The following ZHX3 variants were observed in gnomAD, a reference collection of about 807,000 sequenced individuals.
ZHX3 encodes zinc fingers and homeoboxes 3, also known as zinc fingers and homeoboxes protein 3.
A neutral mutation model predicts 64.5 loss-of-function variants in ZHX3; 20 were observed. The observed-to-expected ratio is 0.31, with a 90% confidence interval of 0.22 to 0.45. The LOEUF (loss-of-function observed/expected upper bound fraction) is 0.45. ZHX3 is among the 20% of genes least tolerant of loss of function. ZHX3 has a pLI of 1.00. For missense variants in ZHX3, 1,041 were observed against 1,195.8 expected (o/e 0.87, Z 1.91); for synonymous variants, 423 against 461.6 (o/e 0.92, Z 1.07).
chr20:41,249,047 T>C (rs774944041), intron 2 of ZHX3, among the ~76,000 whole-genome samples: 5 of 152,228 alleles, frequency 3.3e-5, no homozygotes, highest in Admixed American at 6.5e-5. Context: ...TTGTAAACTA[T>C]ACAAAATTAC....
At chr20:41,316,410 C>T (rs573600121) in intron 1 of ZHX3, among the ~76,000 whole-genome samples, 4 of 152,086 alleles carry the variant, frequency 2.6e-5, no homozygotes, top group Non-Finnish European at 5.9e-5. Context: ...GGCAAAATAC[C>T]AATTGTTTTA....
At chr20:41,243,690 T>A (rs2041522754) in intron 2 of ZHX3, among the ~76,000 whole-genome samples, 1 of 152,136 alleles carries the variant, frequency 6.6e-6, no homozygotes, top group South Asian at 2.1e-4. Context: ...ATTATTATAA[T>A]AACAATACAT....
At chr20:41,230,030 G>C (rs527514725) in intron 2 of ZHX3, among the ~76,000 whole-genome samples, 1 of 152,270 alleles carries the variant, frequency 6.6e-6, no homozygotes, top group South Asian at 2.1e-4. Flanking sequence ...CCCATTGAAA[G>C]GTCTTGGCAT....
At chr20:41,294,940 A>T (rs1308025337) in intron 1 of ZHX3, among the ~76,000 whole-genome samples, 1 of 152,106 alleles carries the variant, frequency 6.6e-6, no homozygotes, top group Admixed American at 6.5e-5. Context: ...CAAGTGATCC[A>T]TGCGCCTCGG....
intron 1 of ZHX3, 67 bp downstream of exon 1, chr20:41,317,442 G>A (rs918706519): frequency 6.6e-6 from 1 of 151,410 alleles, no homozygotes; most frequent in Non-Finnish European, 1.5e-5. Flanking sequence ...GGCAGAGAGA[G>A]ATACAGACAC....
At chr20:41,246,868 A>C (rs925503504) in intron 2 of ZHX3, among the ~76,000 whole-genome samples, 3 of 135,632 alleles carry the variant, frequency 2.2e-5, no homozygotes, top group Non-Finnish European at 4.7e-5. Flanking sequence ...GCAAGACTCC[A>C]TCTGAAAAAA....
intron 2 of ZHX3, among the ~76,000 whole-genome samples, chr20:41,256,895 A>G (rs1038211549): frequency 1.3e-5 from 2 of 152,104 alleles, no homozygotes; most frequent in Non-Finnish European, 2.9e-5. Context: ...TAAATAGTGT[A>G]CATTGTACCC....
At chr20:41,247,763 T>C (rs1007352005) in intron 2 of ZHX3, among the ~76,000 whole-genome samples, 1 of 152,160 alleles carries the variant, frequency 6.6e-6, no homozygotes, top group Non-Finnish European at 1.5e-5. Flanking sequence ...ACAACCATAT[T>C]TGCCTTTCTA....
intron 1 of ZHX3, among the ~76,000 whole-genome samples, chr20:41,308,041 C>T (rs2146830609): frequency 6.6e-6 from 1 of 152,280 alleles, no homozygotes; most frequent in Admixed American, 6.5e-5. Context: ...CACCGTAATA[C>T]AGCAGAGCCT....
At position 41,183,836 on chromosome 20, in the gene ZHX3, T is replaced by C. The variant is rs2036330953; in HGVS notation, c.*1355A>G. 6.6e-6 allele frequency: 1 copy of C among 152,248 alleles called. No individual in the cohort carries two copies. Among genetic ancestry groups the C allele is most frequent in the Admixed American group, 6.5e-5 (1 of 15,288 alleles). 9.4% of individuals were successfully genotyped at this position (152,248 alleles called of 1,614,324 possible). A position where few individuals can be genotyped will look rare whatever the true frequency, so the allele number is the denominator to read the frequency against. ...GAGGATTTACCATTTAGAACAGCTCTGTAAGCAAGTTTTCTAATTTTCAAA... is the reference window on the plus strand; with the variant it reads ...GAGGATTTACCATTTAGAACAGCTCCGTAAGCAAGTTTTCTAATTTTCAAA... On this transcript the variant is annotated 3_prime_UTR_variant, in exon 4 of 4. Coordinates refer to ENST00000683867, the MANE Select transcript of ZHX3 (RefSeq NM_001384317.1). This position sits in a 1 kb window ranked among gnomAD's most constrained non-coding sequence, Gnocchi z 5.3.
chr20:41,237,603 G>C (rs1295676791), intron 2 of ZHX3, among the ~76,000 whole-genome samples: 2 of 152,178 alleles, frequency 1.3e-5, no homozygotes, highest in African/African-American at 4.8e-5. Context: ...TCACTCACCA[G>C]GGCCTGTTGT....
At chr20:41,236,973 A>T (rs1451133887) in intron 2 of ZHX3, among the ~76,000 whole-genome samples, 1 of 152,262 alleles carries the variant, frequency 6.6e-6, no homozygotes, top group Non-Finnish European at 1.5e-5. Context: ...GACACTTCTC[A>T]AAAGAAGACA....
At chr20:41,278,968 A>G (rs1364341855) in intron 1 of ZHX3, among the ~76,000 whole-genome samples, 1 of 152,158 alleles carries the variant, frequency 6.6e-6, no homozygotes, top group Non-Finnish European at 1.5e-5. Flanking sequence ...AGAGACAGAC[A>G]GGGTTTCACC....
chr20:41,291,183 T>C (rs1017104240), intron 1 of ZHX3, among the ~76,000 whole-genome samples: 2 of 152,164 alleles, frequency 1.3e-5, no homozygotes, highest in Admixed American at 6.5e-5. Context: ...ACTCAGACTT[T>C]TTCCCCCATG....
At chr20:41,267,924 T>C (rs2042942658) in intron 2 of ZHX3, among the ~76,000 whole-genome samples, 1 of 152,066 alleles carries the variant, frequency 6.6e-6, no homozygotes, top group Non-Finnish European at 1.5e-5. Context: ...ACATTTTTGG[T>C]TTAGAGGATT....
intron 2 of ZHX3, among the ~76,000 whole-genome samples, chr20:41,206,844 T>C (rs371360152): frequency 5.3e-5 from 8 of 152,070 alleles, no homozygotes; most frequent in African/African-American, 9.7e-5. Flanking sequence ...AACACATTAA[T>C]TGTCAGATTC....
intron 3 of ZHX3, among the ~76,000 whole-genome samples, chr20:41,198,905 GTTTTTTTTCCTAAATA>G (rs1194870443): frequency 6.6e-6 from 1 of 151,458 alleles, no homozygotes; most frequent in African/African-American, 2.4e-5. Context: ...GCTCTCTCAG[GTTTTTTTTCCTAAATA>G]TTTTTTTTCT....
At position 41,178,775 on chromosome 20, in the gene ZHX3, T is replaced by TA. The variant is rs1435303251; in HGVS notation, c.*6415dup. The TA allele has an allele frequency of 1.3e-5, 2 of 152,604 alleles. No individual in the cohort carries two copies. Among genetic ancestry groups the TA allele is most frequent in the African/African-American group, 2.4e-5 (1 of 41,474 alleles). 9.5% of individuals were successfully genotyped at this position (152,604 alleles called of 1,614,324 possible). A position where few individuals can be genotyped will look rare whatever the true frequency, so the allele number is the denominator to read the frequency against. On this transcript the variant is annotated 3_prime_UTR_variant, in exon 4 of 4. Transcript: ENST00000683867. ...CCCATTCTACCCAAGGCTTAAGTGATAGAGTATGCTGTTTTCTCGGTTTGG... is the reference window on the plus strand; with the variant it reads ...CCCATTCTACCCAAGGCTTAAGTGATAAGAGTATGCTGTTTTCTCGGTTTGG...
At chr20:41,282,492 G>C (rs986729477) in intron 1 of ZHX3, among the ~76,000 whole-genome samples, 13 of 150,844 alleles carry the variant, frequency 8.6e-5, no homozygotes, top group African/African-American at 3.2e-4. Flanking sequence ...CTGAGTAGTT[G>C]GGATTACAGG....
Sources: gnomAD v4.1 joint callset for allele counts (sites outside exome capture counted in the v4.1 genomes callset) on GRCh38, gnomAD v4.1.1 for gene constraint, Gnocchi (gnomAD v3.1) non-coding constraint, MANE v1.5 for transcripts, NCBI Gene and HGNC (gene_info 2026-07-23, HGNC 2026-07-21) for gene names.